Variants in MASTL observed in about 807,000 individuals in gnomAD.
MASTL encodes microtubule associated serine/threonine kinase like.
In MASTL, 54 loss-of-function variants were observed where a neutral mutation model predicts 82.5. The observed-to-expected ratio is 0.65, with a 90% CI of 0.53 to 0.82. The LOEUF (loss-of-function observed/expected upper bound fraction) is 0.82, where lower values mean the gene tolerates loss of function less well. MASTL is among the 40% of genes least tolerant of loss of function. The probability of loss-of-function intolerance (pLI) is 0.00; values close to 1 mark genes in which losing one functional copy is unlikely to be tolerated. For synonymous variants in MASTL, 323 were observed against 368.9 expected (o/e 0.88, Z 1.43); for missense variants, 950 against 1,047.8 (o/e 0.91, Z 1.29).
chr10:27,179,416 G>A (rs2058203477), intron 9 of MASTL, among the ~76,000 whole-genome samples: 3 of 152,012 alleles, frequency 2.0e-5, no homozygotes, highest in Non-Finnish European at 4.4e-5. Context: ...AATTATCTGG[G>A]CATGGTGGCA....
chr10:27,157,794 A>AT lies in MASTL; in HGVS notation c.187-745dup, dbSNP rs1028916247. 1.8e-3 allele frequency among the ~76,000 whole-genome samples: 271 copies of AT among 149,958 alleles called. 1 individual carries two copies. Among genetic ancestry groups the AT allele is most frequent in the African/African-American group, 6.2e-3 (253 of 40,892 alleles). On this transcript the variant is annotated intron_variant, in intron 1 of 11. Transcript: ENST00000375940. ...GTAGTTCTAATCATTCCAACTTAAGATTTTTTTTTTCTAGGCAAACTTCCG... is the reference window on the plus strand; with the variant it reads ...GTAGTTCTAATCATTCCAACTTAAGATTTTTTTTTTTCTAGGCAAACTTCCG...
intron 9 of MASTL, among the ~76,000 whole-genome samples, chr10:27,178,220 C>T (rs1237226201): frequency 1.3e-5 from 2 of 151,974 alleles, no homozygotes; most frequent in Non-Finnish European, 1.5e-5. Context: ...GGCGAAACCC[C>T]GTCTCCACTT....
rs375128131 is a variant in MASTL, at chr10:27,159,239, C to T, written c.325-380C>T. On this transcript the variant is annotated intron_variant, in intron 2 of 11. Transcript: ENST00000375940. This position sits in a 1 kb window ranked among gnomAD's most constrained non-coding sequence, Gnocchi z 4.0. The stretch of plus-strand genomic sequence containing the variant: ...TCAACCTCCCAAGTAGCTGAGATTA[C>T]AGGCCCAGCTAATTTTTTGTATAAA... Among the ~76,000 whole-genome samples the T allele has an allele frequency of 6.6e-6, 1 of 152,102 alleles. No homozygotes were observed. The highest frequency in any genetic ancestry group is 1.9e-4 in the East Asian group (1 of 5,186).
At chr10:27,183,825 C>T (rs953978001) in intron 11 of MASTL, among the ~76,000 whole-genome samples, 2 of 152,086 alleles carry the variant, frequency 1.3e-5, no homozygotes, top group African/African-American at 4.8e-5. Context: ...AATTCTTCCA[C>T]CTCAGCCTCC....
chr10:27,170,467 GT>G lies in MASTL; in HGVS notation c.1509del (p.Cys503TrpfsTer25). 1 of 1,614,100 alleles carries G rather than the reference GT, an allele frequency of 6.2e-7. No individual in the cohort carries two copies. Among genetic ancestry groups the G allele is most frequent in the East Asian group, 2.2e-5 (1 of 44,866 alleles). On this transcript the variant is annotated frameshift_variant, in exon 8 of 12. Transcript: ENST00000375940. LOFTEE classifies it high-confidence loss of function. ...LSVHKSQQND[C>X]ANKENIVNSF... ...GTGCACAAAAGTCAACAAAATGACTGTGCTAATAAGGAGAACATTGTCAATT... is the reference window on the plus strand; with the variant it reads ...GTGCACAAAAGTCAACAAAATGACTGGCTAATAAGGAGAACATTGTCAATT...
At chr10:27,180,583 G>C (rs1444195874) in intron 9 of MASTL, among the ~76,000 whole-genome samples, 2 of 152,084 alleles carry the variant, frequency 1.3e-5, no homozygotes. Flanking sequence ...GTACAGACAG[G>C]GTTTCACCAT....
intron 10 of MASTL, 90 bp downstream of exon 10, chr10:27,181,156 G>T: frequency 1.1e-6 from 1 of 952,234 alleles, no homozygotes; most frequent in Admixed American, 1.8e-5. Context: ...AGGCCAAGGC[G>T]GGTGGATCGC....
intron 7 of MASTL, among the ~76,000 whole-genome samples, chr10:27,168,818 AT>A (rs900571025): frequency 3.3e-5 from 5 of 152,142 alleles, no homozygotes; most frequent in African/African-American, 1.2e-4. Context: ...TCAAAAAAAA[AT>A]ATCCTTTTTG....
chr10:27,171,825 C>A lies in MASTL; in HGVS notation c.2124+742C>A, dbSNP rs142571616. 2.6e-4 allele frequency among the ~76,000 whole-genome samples: 24 copies of A among 93,580 alleles called. No homozygotes were observed. In the East Asian group the frequency reaches 3.4e-3, roughly 13 times the overall value. The allele number at this position is 93,580 out of a possible 152,430, so 61.4% of individuals were successfully genotyped here. ...AGAATAAAAGTTGAAAAATATGTTT[C>A]TTTTTTTTTTTTTTTTTTTTTTGAG... On this transcript the variant is annotated intron_variant, in intron 8 of 11. Transcript: ENST00000375940.
chr10:27,170,110 C>T lies in MASTL; in HGVS notation c.1151C>T (p.Ser384Phe). 2 of 1,614,156 alleles carry T rather than the reference C, an allele frequency of 1.2e-6. No homozygotes were observed. The highest frequency in any genetic ancestry group is 4.5e-5 in the East Asian group (2 of 44,886). Residue 384 changes from serine to phenylalanine, a missense_variant, in exon 8 of 12, where the codon TCT becomes TTT. Coordinates refer to ENST00000375940, the MANE Select transcript of MASTL (RefSeq NM_001172303.3). ...NSSALPTTGR[S>F]CVNLAKKCFS... Reference sequence around the variant, plus strand: ...AGTGCCCTTCCCACCACTGGACGCTCTTGTGTAAACCTTGCTAAAAAATGC... The same window carrying T: ...AGTGCCCTTCCCACCACTGGACGCTTTTGTGTAAACCTTGCTAAAAAATGC...
At chr10:27,182,154 G>A (rs2058355581) in intron 11 of MASTL, among the ~76,000 whole-genome samples, 1 of 151,608 alleles carries the variant, frequency 6.6e-6, no homozygotes, top group Non-Finnish European at 1.5e-5. Flanking sequence ...TGGAGGCTGA[G>A]GCAGGAGAAT....
rs1408470587 is a variant in MASTL at position 27,165,396 on chromosome 10, C to A, written c.668C>A (p.Pro223Gln). ...SLISSLGFNT[P>Q]IAEKNQDPAN... ...TTTTTCTCTTTTTAATAGAACACAC[C>A]AATTGCAGAAAAAAATCAAGACCCT... The change falls in exon 6 of 12, where the codon CCA (proline) becomes CAA (glutamine). Residue 223 changes from proline (P) to glutamine (Q), a missense_variant. Physicochemically the swap from Pro to Gln is moderately conservative, Grantham distance 76. Transcript: ENST00000375940. 6 of 1,613,798 alleles carry A rather than the reference C, an allele frequency of 3.7e-6. No individual in the cohort carries two copies. Among genetic ancestry groups the A allele is most frequent in the Non-Finnish European group, 8.5e-7 (1 of 1,179,998 alleles).
intron 11 of MASTL, among the ~76,000 whole-genome samples, chr10:27,184,065 A>G (rs1313530025): frequency 6.6e-6 from 1 of 152,148 alleles, no homozygotes; most frequent in East Asian, 1.9e-4. Flanking sequence ...TCTAGGAGCT[A>G]GGTGATATTG....
Position 27,159,809 on chromosome 10 carries a change from TACATA to T in MASTL, c.464+52_464+56del, listed in dbSNP as rs773448917. ...TACTTAAAAATTCAAGTAATCAAAT[TACATA>T]TTTGAGTCTCAGATATTCACAGTAA... On this transcript the variant is annotated intron_variant, in intron 3 of 11. Coordinates refer to ENST00000375940, the MANE Select transcript of MASTL (RefSeq NM_001172303.3). This position sits in a 1 kb window ranked among gnomAD's most constrained non-coding sequence, Gnocchi z 4.0. 2 of 1,480,844 alleles carry T rather than the reference TACATA, an allele frequency of 1.4e-6. No homozygotes were observed. The highest frequency in any genetic ancestry group is 1.9e-6 in the Non-Finnish European group (2 of 1,062,640). The allele number at this position is 1,480,844 out of a possible 1,614,324, so 91.7% of individuals were successfully genotyped here.
At chr10:27,156,839 T>TTTC (rs1229425533) in intron 1 of MASTL, among the ~76,000 whole-genome samples, 3 of 145,852 alleles carry the variant, frequency 2.1e-5, no homozygotes, top group African/African-American at 7.7e-5. Flanking sequence ...ATTTTTTTTT[T>TTTC]TTTTTTTTTG....
At chr10:27,165,347 G>A (rs1274982641) in intron 5 of MASTL, 42 bp from the exon 6 acceptor site, 1 of 1,607,648 alleles carries the variant, frequency 6.2e-7, no homozygotes, top group Admixed American at 1.7e-5. Flanking sequence ...TGGTGTTTTG[G>A]GGAAGGTAAA....
chr10:27,155,227 T>G (rs998283497), upstream of MASTL: 1 of 608,018 alleles, frequency 1.6e-6, no homozygotes, highest in Admixed American at 3.0e-5. Flanking sequence ...CCACGAAGAG[T>G]GTAAGGCTGC....
At chr10:27,178,388 T>TC (rs949462484) in intron 9 of MASTL, among the ~76,000 whole-genome samples, 1 of 89,790 alleles carries the variant, frequency 1.1e-5, no homozygotes, top group African/African-American at 4.4e-5. Context: ...AGAGCGAGAC[T>TC]CCATCTCAAA....
At chr10:27,172,813 G>T (rs1395278601) in intron 8 of MASTL, among the ~76,000 whole-genome samples, 1 of 152,046 alleles carries the variant, frequency 6.6e-6, no homozygotes, top group Non-Finnish European at 1.5e-5. Context: ...ATTAGTCCAT[G>T]CTATCAGTCT....
Sources: gnomAD v4.1 joint callset for allele counts (sites outside exome capture counted in the v4.1 genomes callset) on GRCh38, gnomAD v4.1.1 for gene constraint, Gnocchi (gnomAD v3.1) non-coding constraint, MANE v1.5 for transcripts, NCBI Gene and HGNC (gene_info 2026-07-23, HGNC 2026-07-21) for gene names.